Variants in DMXL2 observed in about 807,000 individuals in gnomAD.
The protein encoded by DMXL2 is Dmx like 2.
A neutral mutation model predicts 331.1 loss-of-function variants in DMXL2; 103 were observed. The observed-to-expected ratio is 0.31, with a 90% confidence interval of 0.27 to 0.37. The LOEUF is 0.37. Among genes scored for constraint, DMXL2 ranks in the 10% least tolerant of loss-of-function variants. The pLI is 1.00. For synonymous variants in DMXL2, 1,281 were observed against 1,252.1 expected, an observed-to-expected ratio of 1.02 and a Z score of -0.49; for missense variants, 3,171 against 3,642.9, an observed-to-expected ratio of 0.87 and a Z score of 3.33.
At chr15:51,606,117 A>G (rs954207228) in intron 1 of DMXL2, among the ~76,000 whole-genome samples, 2 of 152,184 alleles carry the variant, frequency 1.3e-5, no homozygotes, top group African/African-American at 4.8e-5. Context: ...ACTACCCAAC[A>G]CTTTAAACTG....
intron 1 of DMXL2, among the ~76,000 whole-genome samples, chr15:51,588,289 C>T (rs1331023106): frequency 6.6e-6 from 1 of 152,002 alleles, no homozygotes; most frequent in East Asian, 1.9e-4. Context: ...TCCCAAATAG[C>T]TAGGACCACA....
chr15:51,483,170 G>A (rs188188993), intron 23 of DMXL2, among the ~76,000 whole-genome samples: 8 of 152,272 alleles, frequency 5.3e-5, no homozygotes, highest in Admixed American at 2.6e-4. Context: ...TTGGAGAGAC[G>A]TCAGAAGTTC....
In DMXL2 at chr15:51,455,237, A is replaced by G; in HGVS notation, c.8527-9T>C. The G allele has an allele frequency of 1.2e-6, 2 of 1,611,672 alleles. No homozygotes were observed. The highest frequency in any genetic ancestry group is 1.7e-6 in the Non-Finnish European group (2 of 1,177,726). ...CCATCCGCAACACCACACTGTAAGA[A>G]CAGTATAACTACTAAACACATGTTC... On this transcript the variant is annotated splice_polypyrimidine_tract_variant and intron_variant, in intron 39 of 43. Coordinates refer to ENST00000560891, the MANE Select transcript of DMXL2 (RefSeq NM_001378457.1).
Position 51,499,883 on chromosome 15 carries a change from C to T in DMXL2, c.3341G>A (p.Gly1114Glu). 1 of 1,614,126 alleles carries T rather than the reference C, an allele frequency of 6.2e-7. No individual in the cohort carries two copies. The change falls in exon 18 of 44, where the codon GGA becomes GAA. Residue 1114 changes from glycine to glutamate, a missense_variant. By Grantham distance (98) the Gly-to-Glu change is moderately conservative (BLOSUM62 -2). Around this residue, in one of 7 missense-constraint regions of DMXL2, gnomAD observed 1,674 missense variants for 1,780.2 expected, o/e 0.94. Coordinates refer to ENST00000560891, the MANE Select transcript of DMXL2 (RefSeq NM_001378457.1). ...TGTTTGTTCTAAAACCCACTCTGATCCTCCTGTAGATTCACATTCAAATAT... is the reference window on the plus strand; with the variant it reads ...TGTTTGTTCTAAAACCCACTCTGATTCTCCTGTAGATTCACATTCAAATAT... ...VCIFECESTG[G>E]SEWVLEQTIH...
chr15:51,580,369 A>C (rs987951304), intron 1 of DMXL2, among the ~76,000 whole-genome samples: 6 of 152,190 alleles, frequency 3.9e-5, no homozygotes, highest in African/African-American at 1.4e-4. Context: ...CTTCTGACTA[A>C]GCTAAGTTAG....
intron 25 of DMXL2, 80 bp from the exon 26 acceptor site, chr15:51,478,427 C>A: frequency 8.0e-7 from 1 of 1,243,726 alleles, no homozygotes; most frequent in South Asian, 1.3e-5. Flanking sequence ...AGAAAACATC[C>A]AGGAAACCTA....
At chr15:51,596,365 A>T (rs1486004149) in intron 1 of DMXL2, among the ~76,000 whole-genome samples, 1 of 152,220 alleles carries the variant, frequency 6.6e-6, no homozygotes, top group Admixed American at 6.5e-5. Context: ...TCAAAACCAC[A>T]ATGAGATACC....
intron 37 of DMXL2, 56 bp from the exon 38 acceptor site, chr15:51,456,425 G>A: frequency 9.6e-7 from 1 of 1,038,682 alleles, no homozygotes; most frequent in Non-Finnish European, 1.4e-6. Flanking sequence ...GATGAGGAAG[G>A]ATATGCTTCA....
intron 12 of DMXL2, 129 bp from the exon 13 acceptor site, chr15:51,535,913 G>A: frequency 1.8e-6 from 2 of 1,091,636 alleles, no homozygotes; most frequent in Non-Finnish European, 2.5e-6. Context: ...AATTAAACAG[G>A]CACAATAAGT....
At chr15:51,466,844 G>A (rs531825884) in intron 29 of DMXL2, among the ~76,000 whole-genome samples, 2 of 151,716 alleles carry the variant, frequency 1.3e-5, no homozygotes, top group South Asian at 2.1e-4. Context: ...TCTGAAGTTC[G>A]TAGAGAAGAA....
intron 23 of DMXL2, among the ~76,000 whole-genome samples, chr15:51,483,049 C>G (rs966477444): frequency 6.6e-6 from 1 of 152,168 alleles, no homozygotes; most frequent in Non-Finnish European, 1.5e-5. Flanking sequence ...CTTCTCATTG[C>G]AGAGGGGAAA....
rs2043368996 is a variant in DMXL2, at chr15:51,498,800, T to C, written c.4424A>G (p.Gln1475Arg). Residue 1475 changes from glutamine to arginine, a missense_variant, in exon 18 of 44, where the codon CAG becomes CGG. Transcript: ENST00000560891. Reference protein sequence around the residue: ...EDQYSELFQIQDIPTDDIDLE... With the variant: ...EDQYSELFQIRDIPTDDIDLE... ...ATCAATATCATCCGTTGGTATATCC[T>C]GGATTTGAAACAGCTCTGAATACTG... The C allele has an allele frequency of 6.2e-7, 1 of 1,614,098 alleles. No individual in the cohort carries two copies. The highest frequency in any genetic ancestry group is 1.3e-5 in the African/African-American group (1 of 74,952).
chr15:51,553,218 A>G (rs929902032), intron 6 of DMXL2, among the ~76,000 whole-genome samples: 7 of 152,206 alleles, frequency 4.6e-5, no homozygotes, highest in Non-Finnish European at 2.9e-5. Context: ...CTTGTCTATC[A>G]TCTTCATCAT....
chr15:51,478,947 T>C (rs2041805228), intron 25 of DMXL2, among the ~76,000 whole-genome samples: 1 of 151,664 alleles, frequency 6.6e-6, no homozygotes. Context: ...CACCCTGAAA[T>C]GCTATACTGA....
intron 1 of DMXL2, among the ~76,000 whole-genome samples, chr15:51,610,251 A>G (rs984656507): frequency 1.3e-5 from 2 of 152,230 alleles, no homozygotes; most frequent in Non-Finnish European, 2.9e-5. Context: ...ATAATTTTAA[A>G]CTTGTAAGCA....
chr15:51,605,806 G>C (rs77245583), intron 1 of DMXL2, among the ~76,000 whole-genome samples: 2 of 42,046 alleles, frequency 4.8e-5, no homozygotes, highest in African/African-American at 6.8e-5. Context: ...GCCTCCCAAA[G>C]TGCTGGGATT....
At chr15:51,573,019 T>C (rs1022728574) in intron 2 of DMXL2, among the ~76,000 whole-genome samples, 1 of 152,182 alleles carries the variant, frequency 6.6e-6, no homozygotes, top group African/African-American at 2.4e-5. Flanking sequence ...GATGACATGA[T>C]TGTATATTTA....
intron 40 of DMXL2, among the ~76,000 whole-genome samples, chr15:51,454,325 C>T (rs891989728): frequency 6.6e-6 from 1 of 152,072 alleles, no homozygotes; most frequent in Non-Finnish European, 1.5e-5. Context: ...CATCACCTTC[C>T]ACCCTCCCCC....
intron 2 of DMXL2, among the ~76,000 whole-genome samples, chr15:51,570,822 T>C (rs1389479138): frequency 1.3e-5 from 2 of 152,128 alleles, no homozygotes; most frequent in African/African-American, 4.8e-5. Flanking sequence ...TACCAGCCAC[T>C]GCAAAAACAT....
Sources: gnomAD v4.1 joint callset for allele counts (sites outside exome capture counted in the v4.1 genomes callset) on GRCh38, gnomAD v4.1.1 for gene constraint, gnomAD v4.1.1 regional missense constraint, MANE v1.5 for transcripts, NCBI Gene and HGNC (gene_info 2026-07-23, HGNC 2026-07-21) for gene names.